The following SNX29 variants were observed in gnomAD, a reference collection of about 807,000 sequenced individuals.
The protein encoded by SNX29 is sorting nexin 29, also known as sorting nexin-29.
In SNX29, 78 loss-of-function variants were observed where a neutral mutation model predicts 102.1. That is an observed-to-expected ratio of 0.76 (90% CI 0.64 to 0.92). The LOEUF is 0.92. SNX29 is among the 40% of genes least tolerant of loss of function. The pLI is 0.00. For synonymous variants in SNX29, 580 were observed against 414.5 expected (o/e 1.40, Z -4.85); for missense variants, 1,280 against 1,061.7 (o/e 1.21, Z -2.86).
At chr16:12,552,428 G>C (rs1233481120) in intron 20 of SNX29, among the ~76,000 whole-genome samples, 1 of 152,180 alleles carries the variant, frequency 6.6e-6, no homozygotes, top group Non-Finnish European at 1.5e-5. Flanking sequence ...CAGTTCTTTT[G>C]GCTCGAGAGC....
chr16:12,242,529 C>T (rs2078138085), intron 14 of SNX29, among the ~76,000 whole-genome samples: 1 of 151,374 alleles, frequency 6.6e-6, no homozygotes, highest in South Asian at 2.1e-4. Flanking sequence ...GAAGAGCATC[C>T]CTCCCAGGGG....
At chr16:11,993,669 C>A (rs1240655955) in intron 1 of SNX29, among the ~76,000 whole-genome samples, 1 of 152,070 alleles carries the variant, frequency 6.6e-6, no homozygotes, top group Admixed American at 6.6e-5. Context: ...AGGATTCTAA[C>A]CCACACTATC....
At chr16:12,171,783 T>C (rs563832061) in intron 13 of SNX29, among the ~76,000 whole-genome samples, 56 of 152,244 alleles carry the variant, frequency 3.7e-4, no homozygotes, top group Non-Finnish European at 7.2e-4. Flanking sequence ...ATGATTGTTA[T>C]ATGTACTCAG....
At chr16:12,108,523 G>T (rs1025811192) in intron 11 of SNX29, among the ~76,000 whole-genome samples, 2 of 152,186 alleles carry the variant, frequency 1.3e-5, no homozygotes, top group African/African-American at 4.8e-5. Flanking sequence ...TAGGAGAGGG[G>T]TCAGAGGCAT....
At chr16:12,529,949 G>T (rs2076887786) in intron 20 of SNX29, among the ~76,000 whole-genome samples, 1 of 152,218 alleles carries the variant, frequency 6.6e-6, no homozygotes. Flanking sequence ...TTGCCAGTAA[G>T]GAGTGGTGAT....
chr16:12,428,415 A>C (rs2085170586), intron 18 of SNX29, among the ~76,000 whole-genome samples: 1 of 152,176 alleles, frequency 6.6e-6, no homozygotes, highest in Non-Finnish European at 1.5e-5. Context: ...ATAAATAAAT[A>C]AATAACTTTA....
chr16:12,080,951 G>A (rs2051844234), intron 11 of SNX29, among the ~76,000 whole-genome samples: 1 of 152,080 alleles, frequency 6.6e-6, no homozygotes, highest in African/African-American at 2.4e-5. Flanking sequence ...CAAAGTGCTG[G>A]GATTACAGGT....
At chr16:12,257,212 A>G (rs1596652361) in intron 14 of SNX29, among the ~76,000 whole-genome samples, 2 of 152,262 alleles carry the variant, frequency 1.3e-5, no homozygotes, top group South Asian at 4.2e-4. Flanking sequence ...AGAACAAGCA[A>G]TGGCATGTTG....
intron 20 of SNX29, among the ~76,000 whole-genome samples, chr16:12,566,566 A>C (rs1413946761): frequency 1.3e-5 from 2 of 152,178 alleles, no homozygotes; most frequent in African/African-American, 2.4e-5. Flanking sequence ...CATGGCTTTA[A>C]ACTGACTTTT....
At position 12,117,216 on chromosome 16, in the gene SNX29, G is replaced by A. The variant is rs943722300; in HGVS notation, c.1403-9417G>A. The stretch of plus-strand genomic sequence containing the variant: ...TCAACGCGGATGAACCGTGGAAACA[G>A]GCATGGTCAATACGTGCTTCAATGC... On this transcript the variant is annotated intron_variant, in intron 11 of 20. Coordinates refer to ENST00000566228, the MANE Select transcript of SNX29 (RefSeq NM_032167.5). Among the ~76,000 whole-genome samples, 2 of 146,288 alleles carry A rather than the reference G, an allele frequency of 1.4e-5. 1 individual carries two copies. The highest frequency in any genetic ancestry group is 3.0e-5 in the Non-Finnish European group (2 of 66,888).
At chr16:12,095,584 G>A (rs770736666) in intron 11 of SNX29, among the ~76,000 whole-genome samples, 1 of 152,194 alleles carries the variant, frequency 6.6e-6, no homozygotes, top group Non-Finnish European at 1.5e-5. Flanking sequence ...CAGTCACTTT[G>A]TGGTCCTGTT....
chr16:12,398,367 C>A, intron 16 of SNX29, 79 bp from the exon 17 acceptor site: 1 of 1,473,398 alleles, frequency 6.8e-7, no homozygotes, highest in Non-Finnish European at 9.5e-7. Context: ...CTCTGAGAGG[C>A]AGAATTCTTC....
chr16:12,154,677 A>G (rs769156600), intron 13 of SNX29, among the ~76,000 whole-genome samples: 1 of 152,176 alleles, frequency 6.6e-6, no homozygotes, highest in African/African-American at 2.4e-5. Context: ...GGTGGCTTAT[A>G]AACAACAAAT....
intron 5 of SNX29, among the ~76,000 whole-genome samples, chr16:12,043,751 G>GTTGT (rs897698047): frequency 6.6e-6 from 1 of 150,938 alleles, no homozygotes; most frequent in Admixed American, 6.6e-5. Context: ...TTTTTTTGTT[G>GTTGT]TTGTTTGTTT....
chr16:12,024,317 TA>T (rs771710936), intron 3 of SNX29, among the ~76,000 whole-genome samples: 2 of 151,976 alleles, frequency 1.3e-5, no homozygotes, highest in South Asian at 2.1e-4. Context: ...TTTATATATA[TA>T]TTTTTTTAGT....
intron 18 of SNX29, among the ~76,000 whole-genome samples, chr16:12,432,143 G>C (rs2085341913): frequency 6.6e-6 from 1 of 152,236 alleles, no homozygotes; most frequent in African/African-American, 2.4e-5. Flanking sequence ...TTGGGTCATT[G>C]GGAAGGCCTT....
intron 20 of SNX29, among the ~76,000 whole-genome samples, chr16:12,566,227 A>G (rs1045485202): frequency 6.6e-6 from 1 of 152,228 alleles, no homozygotes; most frequent in African/African-American, 2.4e-5. Flanking sequence ...TATGGTTGTC[A>G]TCCCCAAATG....
At chr16:12,412,901 T>C (rs566988454) in intron 18 of SNX29, among the ~76,000 whole-genome samples, 7 of 152,230 alleles carry the variant, frequency 4.6e-5, no homozygotes, top group Non-Finnish European at 1.0e-4. Context: ...GGTGACACTT[T>C]CTAGCCACTC....
chr16:12,260,711 G>A (rs2078713534), intron 14 of SNX29, among the ~76,000 whole-genome samples: 1 of 151,716 alleles, frequency 6.6e-6, no homozygotes, highest in Non-Finnish European at 1.5e-5. Context: ...CCCGGCTGGA[G>A]TGAGTGAGTG....
Sources: allele counts gnomAD v4.1 joint callset (sites outside exome capture counted in the v4.1 genomes callset), GRCh38; gene constraint gnomAD v4.1.1; transcripts MANE v1.5; gene names NCBI Gene and HGNC (gene_info 2026-07-23, HGNC 2026-07-21).